Variants in PHACTR1 observed in about 807,000 individuals in gnomAD.
PHACTR1 encodes the protein RPEL repeat containing 1.
A neutral mutation model predicts 69.2 loss-of-function variants in PHACTR1; 16 were observed. That is an observed-to-expected ratio of 0.23 (90% confidence interval 0.16 to 0.35). The LOEUF (loss-of-function observed/expected upper bound fraction) is 0.35, where lower values mean the gene tolerates loss of function less well. PHACTR1 is among the 10% of genes least tolerant of loss of function. The probability of loss-of-function intolerance (pLI) is 1.00; values close to 1 mark genes in which losing one functional copy is unlikely to be tolerated. For synonymous variants in PHACTR1, 312 were observed against 284.5 expected, an observed-to-expected ratio of 1.10 and a Z score of -0.97; for missense variants, 510 against 734.7, an observed-to-expected ratio of 0.69 and a Z score of 3.54.
At chr6:13,139,795 A>C (rs1376950445) in intron 5 of PHACTR1, among the ~76,000 whole-genome samples, 1 of 152,214 alleles carries the variant, frequency 6.6e-6, no homozygotes, top group Non-Finnish European at 1.5e-5. Flanking sequence ...TGAAATTAAA[A>C]ATAAAACCAC....
intron 4 of PHACTR1, among the ~76,000 whole-genome samples, chr6:12,770,939 G>A (rs953439177): frequency 6.6e-6 from 1 of 152,170 alleles, no homozygotes; most frequent in African/African-American, 2.4e-5. Flanking sequence ...GTGTGTAAAG[G>A]CATGAGTGCA....
chr6:12,945,402 C>T lies in PHACTR1; in HGVS notation c.251-107963C>T, dbSNP rs995811674. Among the ~76,000 whole-genome samples, 4 of 152,328 alleles carry T rather than the reference C, an allele frequency of 2.6e-5. No individual in the cohort carries two copies. The Middle Eastern group carries it at 0.01, about 389-fold the overall frequency. ...GTTTCATGAAAGCAGGAATTATGTT[C>T]ATCTTGCTGTCGAGAATATTTTCTC... On this transcript the variant is annotated intron_variant, in intron 4 of 14. Coordinates refer to ENST00000332995, the MANE Select transcript of PHACTR1 (RefSeq NM_030948.6).
intron 7 of PHACTR1, among the ~76,000 whole-genome samples, chr6:13,198,622 GAA>G (rs201932224): frequency 1.5e-5 from 2 of 135,048 alleles, no homozygotes. Context: ...CCTGATGAGT[GAA>G]AAAAAAAAAA....
intron 4 of PHACTR1, among the ~76,000 whole-genome samples, chr6:13,027,548 C>A (rs1427381519): frequency 1.4e-5 from 1 of 72,758 alleles, no homozygotes; most frequent in Non-Finnish European, 4.2e-5. Flanking sequence ...CAGAGCAGCT[C>A]TGATTACACT....
intron 4 of PHACTR1, among the ~76,000 whole-genome samples, chr6:13,015,621 G>A (rs778012243): frequency 6.6e-6 from 1 of 152,230 alleles, no homozygotes. Flanking sequence ...AACACTGGGA[G>A]TTTATTTAAA....
At chr6:13,108,214 G>A (rs1816481209) in intron 5 of PHACTR1, among the ~76,000 whole-genome samples, 1 of 151,972 alleles carries the variant, frequency 6.6e-6, no homozygotes, top group African/African-American at 2.4e-5. Flanking sequence ...TGATTTCTAA[G>A]TTAATTTCAT....
intron 3 of PHACTR1, among the ~76,000 whole-genome samples, chr6:12,746,865 C>T (rs1469405592): frequency 6.6e-6 from 1 of 152,094 alleles, no homozygotes; most frequent in Non-Finnish European, 1.5e-5. Context: ...ATGGGGAATT[C>T]CAAATTCTGA....
At chr6:12,812,445 G>A (rs1470223041) in intron 4 of PHACTR1, among the ~76,000 whole-genome samples, 4 of 152,066 alleles carry the variant, frequency 2.6e-5, no homozygotes, top group Non-Finnish European at 4.4e-5. Context: ...TAAGATAAAG[G>A]AATTATTAAC....
At chr6:13,108,747 TA>T (rs1462942721) in intron 5 of PHACTR1, among the ~76,000 whole-genome samples, 1 of 152,008 alleles carries the variant, frequency 6.6e-6, no homozygotes, top group Admixed American at 6.6e-5. Context: ...TCTTTACATT[TA>T]AATTATGTTT....
At chr6:13,020,170 G>C (rs769125540) in intron 4 of PHACTR1, among the ~76,000 whole-genome samples, 15 of 152,216 alleles carry the variant, frequency 9.9e-5, no homozygotes. Context: ...AACTAAACAA[G>C]AATCCAGTTG....
chr6:12,955,823 G>A (rs531008205), intron 4 of PHACTR1, among the ~76,000 whole-genome samples: 13 of 152,064 alleles, frequency 8.5e-5, no homozygotes, highest in Admixed American at 2.0e-4. Context: ...TCTGCAAAGC[G>A]GAACACCAAG....
chr6:13,064,551 T>G (rs1195003851), intron 5 of PHACTR1, among the ~76,000 whole-genome samples: 228 of 1,354 alleles, frequency 0.17, 5 homozygotes, highest in Non-Finnish European at 0.23. Context: ...GGAAAAGATA[T>G]ATATATATAT....
intron 4 of PHACTR1, among the ~76,000 whole-genome samples, chr6:13,045,250 C>T (rs576262511): frequency 5.0e-4 from 76 of 152,268 alleles, no homozygotes; most frequent in African/African-American, 1.7e-3. Flanking sequence ...TAATATATAG[C>T]CCTCGCTCAC....
chr6:12,903,171 C>G (rs1785379250), intron 4 of PHACTR1, among the ~76,000 whole-genome samples: 1 of 152,132 alleles, frequency 6.6e-6, no homozygotes, highest in African/African-American at 2.4e-5. Flanking sequence ...CCACTGTGTT[C>G]CTCAGTTTCC....
At chr6:13,171,674 T>C (rs954050167) in intron 6 of PHACTR1, among the ~76,000 whole-genome samples, 2 of 152,216 alleles carry the variant, frequency 1.3e-5, no homozygotes, top group African/African-American at 4.8e-5. Context: ...ACTACATGTG[T>C]CTAATGAATG....
chr6:12,822,589 C>T (rs1776343441), intron 4 of PHACTR1, among the ~76,000 whole-genome samples: 1 of 152,198 alleles, frequency 6.6e-6, no homozygotes, highest in Non-Finnish European at 1.5e-5. Context: ...GCCTCCTCTC[C>T]CTTCCCTGCT....
At chr6:13,264,610 T>C (rs917705746) in intron 10 of PHACTR1, among the ~76,000 whole-genome samples, 3 of 152,102 alleles carry the variant, frequency 2.0e-5, no homozygotes, top group African/African-American at 7.2e-5. Flanking sequence ...TCCCAGCTAC[T>C]CGGGAGGCTG....
intron 5 of PHACTR1, among the ~76,000 whole-genome samples, chr6:13,120,639 A>G (rs934380530): frequency 2.0e-5 from 3 of 152,088 alleles, no homozygotes; most frequent in African/African-American, 7.2e-5. Context: ...ACAGACTGTT[A>G]GGCTCATCTC....
intron 4 of PHACTR1, among the ~76,000 whole-genome samples, chr6:12,916,121 A>G (rs1210288108): frequency 6.6e-6 from 1 of 152,084 alleles, no homozygotes; most frequent in Non-Finnish European, 1.5e-5. Flanking sequence ...TAAGCCTAAA[A>G]CTGCTCCAAA....
Sources: gnomAD v4.1 joint callset for allele counts (sites outside exome capture counted in the v4.1 genomes callset) on GRCh38, gnomAD v4.1.1 for gene constraint, MANE v1.5 for transcripts, NCBI Gene and HGNC (gene_info 2026-07-23, HGNC 2026-07-21) for gene names.